Variants in CSMD1 observed in about 807,000 individuals in gnomAD.
CSMD1 encodes CUB and sushi domain-containing protein 1.
CSMD1 carries 213 observed loss-of-function variants against 417.5 expected under a neutral mutation model. That is an observed-to-expected ratio of 0.51 (90% CI 0.46 to 0.57). The LOEUF is 0.57. Among genes scored for constraint, CSMD1 ranks in the 20% least tolerant of loss-of-function variants. The pLI is 0.00. For missense variants in CSMD1, 6,923 were observed against 4,529.7 expected, an observed-to-expected ratio of 1.53 and a Z score of -15.17; for synonymous variants, 2,862 against 1,736.8, an observed-to-expected ratio of 1.65 and a Z score of -16.11.
chr8:4,715,936 T>C (rs568805088), intron 1 of CSMD1, among the ~76,000 whole-genome samples: 1 of 152,292 alleles, frequency 6.6e-6, no homozygotes, highest in South Asian at 2.1e-4. Flanking sequence ...TAAAATTGTC[T>C]TGTAAATCGT....
chr8:3,421,522 A>G (rs555469647), intron 12 of CSMD1, among the ~76,000 whole-genome samples: 3 of 152,362 alleles, frequency 2.0e-5, no homozygotes, highest in South Asian at 2.1e-4. Flanking sequence ...GAAAATAACA[A>G]TTTTGTAGAC....
intron 1 of CSMD1, among the ~76,000 whole-genome samples, chr8:4,974,261 T>C (rs1280252636): frequency 1.3e-5 from 2 of 151,892 alleles, no homozygotes; most frequent in African/African-American, 4.8e-5. Context: ...CCTGACCTCA[T>C]GTGATCCACC....
At chr8:4,865,096 G>C (rs1802350715) in intron 1 of CSMD1, among the ~76,000 whole-genome samples, 1 of 151,234 alleles carries the variant, frequency 6.6e-6, no homozygotes, top group Admixed American at 6.6e-5. Context: ...CTGTTACCTG[G>C]ATGAATTATG....
At chr8:3,520,044 G>A (rs7821705) in intron 10 of CSMD1, among the ~76,000 whole-genome samples, 3,107 of 137,358 alleles carry the variant, frequency 0.023, 110 homozygotes, top group South Asian at 0.081. Flanking sequence ...ATATATACAC[G>A]TATAGTTGTG....
intron 9 of CSMD1, among the ~76,000 whole-genome samples, chr8:3,575,389 G>A (rs1800109582): frequency 6.6e-6 from 1 of 152,098 alleles, no homozygotes; most frequent in Admixed American, 6.5e-5. Context: ...ATCCCAGTGT[G>A]ACTCAGAGTG....
At chr8:3,106,362 T>C (rs1443054758) in intron 46 of CSMD1, among the ~76,000 whole-genome samples, 166 bp downstream of exon 46, 2 of 152,126 alleles carry the variant, frequency 1.3e-5, no homozygotes, top group Non-Finnish European at 2.9e-5. Flanking sequence ...TGCACCACTG[T>C]ACTCCCACCT....
chr8:4,937,074 A>G (rs1003078661), intron 1 of CSMD1, among the ~76,000 whole-genome samples: 24 of 152,174 alleles, frequency 1.6e-4, no homozygotes, highest in African/African-American at 5.6e-4. Flanking sequence ...TTAGCCAGGC[A>G]TTGTGGCACA....
At chr8:4,935,380 C>T (rs940856402) in intron 1 of CSMD1, among the ~76,000 whole-genome samples, 2 of 152,206 alleles carry the variant, frequency 1.3e-5, no homozygotes, top group Non-Finnish European at 2.9e-5. Context: ...ACCTCCTGCA[C>T]ATGCACCTCA....
At chr8:4,641,431 C>G (rs1179017954) in intron 1 of CSMD1, among the ~76,000 whole-genome samples, 1 of 152,086 alleles carries the variant, frequency 6.6e-6, no homozygotes, top group African/African-American at 2.4e-5. Context: ...ACAGAGTTAA[C>G]TTCAGTCATT....
chr8:4,056,896 T>C lies in CSMD1; in HGVS notation c.416-24797A>G, dbSNP rs570856098. 1.5e-4 allele frequency among the ~76,000 whole-genome samples: 23 copies of C among 152,334 alleles called. No homozygotes were observed. The South Asian group carries it at 3.3e-3, about 22-fold the overall frequency. On this transcript the variant is annotated intron_variant, in intron 3 of 69. Transcript: ENST00000635120. ...TTTTTTATGGCTGCATAGTATTCCA[T>C]AGAGTATATGTGCCACACTTTCTTA...
intron 5 of CSMD1, among the ~76,000 whole-genome samples, chr8:3,971,010 CA>C (rs1465656604): frequency 3.9e-5 from 6 of 152,142 alleles, no homozygotes; most frequent in Non-Finnish European, 8.8e-5. Flanking sequence ...CTCAGACTCC[CA>C]AAGTACTGGG....
In CSMD1 at chr8:3,911,354, C is replaced by T. The variant is rs1478193417; in HGVS notation, c.818+86549G>A. 2.6e-5 allele frequency among the ~76,000 whole-genome samples: 4 copies of T among 151,632 alleles called. No individual in the cohort carries two copies. The East Asian group carries it at 7.7e-4, about 29-fold the overall frequency. ...ATATCCTAGCTAACACACTGAAACC[C>T]CATCTCTACTAAAAATACAAAAAAT... On this transcript the variant is annotated intron_variant, in intron 5 of 69. Transcript: ENST00000635120.
At chr8:4,041,103 G>A (rs181508003) in intron 3 of CSMD1, among the ~76,000 whole-genome samples, 21,027 of 139,530 alleles carry the variant, frequency 0.15, 2,141 homozygotes, top group East Asian at 0.4. Context: ...TGCAAGCTCC[G>A]CCTCCCGGGT....
intron 7 of CSMD1, among the ~76,000 whole-genome samples, chr8:3,697,805 A>G (rs1800635320): frequency 6.6e-6 from 1 of 152,182 alleles, no homozygotes; most frequent in African/African-American, 2.4e-5. Context: ...GCTAAAATTT[A>G]TACTTCCTTT....
rs761412752 is a variant in CSMD1 at position 4,574,387 on chromosome 8, A to G, written c.302+62955T>C. ...CCTTGGCTAGGAGAGGGGGTTACCCAGCCCCTTGCACTTCCCCGGTGAGGC... is the reference window on the plus strand; with the variant it reads ...CCTTGGCTAGGAGAGGGGGTTACCCGGCCCCTTGCACTTCCCCGGTGAGGC... On this transcript the variant is annotated intron_variant, in intron 2 of 69. Coordinates refer to ENST00000635120, the MANE Select transcript of CSMD1 (RefSeq NM_033225.6). 2.6e-4 allele frequency among the ~76,000 whole-genome samples: 39 copies of G among 152,258 alleles called. 1 individual carries two copies. Among genetic ancestry groups the G allele is most frequent in the Non-Finnish European group, 4.1e-4 (28 of 67,996 alleles).
chr8:3,621,911 T>C (rs542832516), intron 7 of CSMD1, among the ~76,000 whole-genome samples: 4 of 151,934 alleles, frequency 2.6e-5, no homozygotes, highest in Admixed American at 2.6e-4. Flanking sequence ...CAACCAGAAG[T>C]GTATGCTTAT....
At chr8:4,263,673 A>ATTAT (rs1310249276) in intron 3 of CSMD1, among the ~76,000 whole-genome samples, 1 of 152,200 alleles carries the variant, frequency 6.6e-6, no homozygotes, top group African/African-American at 2.4e-5. Context: ...ATAATTTTGA[A>ATTAT]TTATTTATAT....
intron 1 of CSMD1, among the ~76,000 whole-genome samples, chr8:4,958,798 G>C (rs963948003): frequency 6.6e-6 from 1 of 152,112 alleles, no homozygotes; most frequent in African/African-American, 2.4e-5. Context: ...GGGCTTTCAT[G>C]AAGAAAATAT....
intron 1 of CSMD1, among the ~76,000 whole-genome samples, chr8:4,657,289 C>T (rs145039700): frequency 4.6e-5 from 7 of 152,196 alleles, no homozygotes; most frequent in Non-Finnish European, 1.0e-4. Context: ...AAAAGCCTGG[C>T]GAAGTGTTGA....
Sources: gnomAD v4.1 joint callset for allele counts (sites outside exome capture counted in the v4.1 genomes callset) on GRCh38, gnomAD v4.1.1 for gene constraint, MANE v1.5 for transcripts, NCBI Gene and HGNC (gene_info 2026-07-23, HGNC 2026-07-21) for gene names.